MARCHF3: variants seen among roughly 807,000 people sequenced by gnomAD.
MARCHF3 encodes E3 ubiquitin-protein ligase MARCHF3.
Under a neutral mutation model 24.2 loss-of-function variants are expected in MARCHF3, and 13 were observed. The observed-to-expected ratio is 0.54, with a 90% CI of 0.35 to 0.85. MARCHF3 has a LOEUF of 0.85. MARCHF3 is among the 40% of genes least tolerant of loss of function. MARCHF3 has a pLI of 0.01. For missense variants in MARCHF3, 276 were observed against 325.0 expected (o/e 0.85, Z 1.16); for synonymous variants, 144 against 137.3 (o/e 1.05, Z -0.34).
At chr5:126,890,375 G>A (rs1030998785) in intron 3 of MARCHF3, among the ~76,000 whole-genome samples, 2 of 150,476 alleles carry the variant, frequency 1.3e-5, no homozygotes, top group African/African-American at 4.9e-5. Flanking sequence ...CCATGCTGGT[G>A]CACTGCACCC....
intron 3 of MARCHF3, among the ~76,000 whole-genome samples, chr5:126,910,618 A>G (rs1411091600): frequency 1.3e-5 from 2 of 152,210 alleles, no homozygotes; most frequent in Non-Finnish European, 2.9e-5. Flanking sequence ...GCAGTTTCCT[A>G]TGCCTGTCTT....
At chr5:126,959,573 T>C (rs1750570284) in intron 1 of MARCHF3, among the ~76,000 whole-genome samples, 1 of 152,164 alleles carries the variant, frequency 6.6e-6, no homozygotes, top group African/African-American at 2.4e-5. Context: ...GCTAATATCA[T>C]AATAATGCAT....
chr5:126,985,466 C>CTTT (rs1561459771), intron 1 of MARCHF3, among the ~76,000 whole-genome samples: 1 of 146,714 alleles, frequency 6.8e-6, no homozygotes. Flanking sequence ...TCTGGATGAA[C>CTTT]TTTTATTTTT....
At chr5:127,007,358 A>C (rs1752341286) in intron 1 of MARCHF3, among the ~76,000 whole-genome samples, 1 of 151,902 alleles carries the variant, frequency 6.6e-6, no homozygotes, top group African/African-American at 2.4e-5. Context: ...AAAAAAAAAA[A>C]ACCTTAAAAG....
At chr5:127,005,046 T>C (rs1011709015) in intron 1 of MARCHF3, among the ~76,000 whole-genome samples, 1 of 152,080 alleles carries the variant, frequency 6.6e-6, no homozygotes, top group East Asian at 1.9e-4. Flanking sequence ...TGTAAACTCC[T>C]TGAAAGTCCA....
intron 1 of MARCHF3, among the ~76,000 whole-genome samples, chr5:126,947,364 T>C (rs530004448): frequency 5.6e-4 from 85 of 152,202 alleles, no homozygotes; most frequent in Non-Finnish European, 7.5e-4. Context: ...AACCCTTGAT[T>C]CCACTGAGGA....
chr5:126,973,286 CTGCTGTGGGAGTTGT>C (rs1214190796), intron 1 of MARCHF3, among the ~76,000 whole-genome samples: 1 of 152,250 alleles, frequency 6.6e-6, no homozygotes, highest in Non-Finnish European at 1.5e-5. Context: ...TTCCTTTAGG[CTGCTGTGGGAGTTGT>C]GACTATCCTG....
intron 1 of MARCHF3, among the ~76,000 whole-genome samples, chr5:126,985,869 C>A (rs1284371381): frequency 1.3e-5 from 2 of 152,120 alleles, no homozygotes; most frequent in Non-Finnish European, 2.9e-5. Context: ...AGGGAGAGAA[C>A]CTGACCTTGA....
chr5:126,913,887 AGGTCTGAATCATAGATACAATGTTTTG>A (rs1241821592), intron 3 of MARCHF3, among the ~76,000 whole-genome samples: 1 of 151,974 alleles, frequency 6.6e-6, no homozygotes, highest in Non-Finnish European at 1.5e-5. Context: ...GGTTAGGAGC[AGGTCTGAATCATAGATACAATGTTTTG>A]GCTCCCTTCA....
At chr5:127,026,588 T>C (rs1254588860) in intron 1 of MARCHF3, among the ~76,000 whole-genome samples, 1 of 152,234 alleles carries the variant, frequency 6.6e-6, no homozygotes, top group Non-Finnish European at 1.5e-5. Context: ...TAAAAAATTG[T>C]AGATGATATG....
At chr5:126,939,776 C>T (rs1213564200) in intron 1 of MARCHF3, among the ~76,000 whole-genome samples, 1 of 152,198 alleles carries the variant, frequency 6.6e-6, no homozygotes, top group Non-Finnish European at 1.5e-5. Flanking sequence ...CTGTGGACCA[C>T]TGGCCACATT....
In MARCHF3 at chr5:126,887,044, T is replaced by G. The variant is rs543600288; in HGVS notation, c.394-8650A>C. Among the ~76,000 whole-genome samples the G allele has an allele frequency of 3.3e-5, 5 of 152,312 alleles. No individual in the cohort carries two copies. In the East Asian group the frequency reaches 9.6e-4, roughly 29 times the overall value. ...GGTACCATGTAATAGTCTCCTTACT[T>G]TCTCACCCTTCCACTCCTGTTATCC... On this transcript the variant is annotated intron_variant, in intron 3 of 4. Coordinates refer to ENST00000308660, the MANE Select transcript of MARCHF3 (RefSeq NM_178450.5).
At chr5:127,027,319 A>T (rs1461802094) in intron 1 of MARCHF3, among the ~76,000 whole-genome samples, 1 of 152,200 alleles carries the variant, frequency 6.6e-6, no homozygotes, top group Non-Finnish European at 1.5e-5. Flanking sequence ...CCTGGCCACA[A>T]GCAAAATAGT....
intron 3 of MARCHF3, among the ~76,000 whole-genome samples, chr5:126,913,849 T>C (rs767670043): frequency 1.5e-4 from 23 of 152,168 alleles, no homozygotes; most frequent in Non-Finnish European, 2.2e-4. Context: ...ATTCCAGGGC[T>C]TCACTGAGTT....
chr5:127,010,203 C>T (rs1410551455), intron 1 of MARCHF3, among the ~76,000 whole-genome samples: 1 of 152,064 alleles, frequency 6.6e-6, no homozygotes, highest in Non-Finnish European at 1.5e-5. Context: ...TCAGTAACTA[C>T]AATTAGGTAA....
chr5:126,885,696 T>C (rs555070578), intron 3 of MARCHF3, among the ~76,000 whole-genome samples: 15 of 152,204 alleles, frequency 9.9e-5, no homozygotes, highest in Non-Finnish European at 2.2e-4. Flanking sequence ...GTTAAACTGA[T>C]TGGAAAGGAG....
At chr5:126,915,164 C>A in intron 2 of MARCHF3, 30 bp from the exon 3 acceptor site, 1 of 1,606,462 alleles carries the variant, frequency 6.2e-7, no homozygotes, top group South Asian at 1.1e-5. Flanking sequence ...ACCTGCTGGT[C>A]ACTGGGCTGG....
intron 1 of MARCHF3, among the ~76,000 whole-genome samples, chr5:127,006,856 T>C (rs1004223679): frequency 2.0e-5 from 3 of 152,206 alleles, no homozygotes; most frequent in African/African-American, 4.8e-5. Context: ...CAGCCTTTTG[T>C]GTACCTCTGG....
intron 3 of MARCHF3, among the ~76,000 whole-genome samples, chr5:126,910,108 C>T (rs982911573): frequency 1.3e-5 from 2 of 152,178 alleles, no homozygotes; most frequent in African/African-American, 4.8e-5. Flanking sequence ...CACTGTGGCT[C>T]CCTGATTAGA....
Sources: gnomAD v4.1 joint callset for allele counts (sites outside exome capture counted in the v4.1 genomes callset) on GRCh38, gnomAD v4.1.1 for gene constraint, MANE v1.5 for transcripts, NCBI Gene and HGNC (gene_info 2026-07-23, HGNC 2026-07-21) for gene names.